MARCHF5: variants seen among roughly 807,000 people sequenced by gnomAD.
MARCHF5 encodes the protein membrane associated ring-CH-type finger 5.
Under a neutral mutation model 36.5 loss-of-function variants are expected in MARCHF5, and 5 were observed. The observed-to-expected ratio is 0.14, with a 90% CI of 0.07 to 0.29. The LOEUF (loss-of-function observed/expected upper bound fraction) is 0.29, where lower values mean the gene tolerates loss of function less well. MARCHF5 is among the 10% of genes least tolerant of loss of function. The probability of loss-of-function intolerance (pLI) is 1.00; values close to 1 mark genes in which losing one functional copy is unlikely to be tolerated. For synonymous variants in MARCHF5, 103 were observed against 109.9 expected, an observed-to-expected ratio of 0.94 and a Z score of 0.39; for missense variants, 179 against 336.3, an observed-to-expected ratio of 0.53 and a Z score of 3.66.
intron 5 of MARCHF5, chr10:92,350,068 T>C (rs556395854): frequency 2.8e-5 from 13 of 465,922 alleles, no homozygotes; most frequent in African/African-American, 2.2e-4. Context: ...TCCTGGCATA[T>C]GCATGAATCA....
chr10:92,326,183 T>C (rs1454351025), intron 2 of MARCHF5, among the ~76,000 whole-genome samples: 1 of 152,204 alleles, frequency 6.6e-6, no homozygotes, highest in African/African-American at 2.4e-5. Flanking sequence ...AATTAATAGT[T>C]GTAACTATTT....
intron 2 of MARCHF5, among the ~76,000 whole-genome samples, chr10:92,326,521 A>G (rs917627841): frequency 6.6e-6 from 1 of 152,208 alleles, no homozygotes; most frequent in Non-Finnish European, 1.5e-5. Flanking sequence ...CATAAGAACT[A>G]ATAGAGATAA....
At chr10:92,325,502 G>T (rs1412188150) in intron 2 of MARCHF5, among the ~76,000 whole-genome samples, 1 of 152,060 alleles carries the variant, frequency 6.6e-6, no homozygotes, top group African/African-American at 2.4e-5. Context: ...TAATTGTTAC[G>T]TCGTCCTGAT....
In MARCHF5 at chr10:92,322,926, C is replaced by T. The variant is rs1250729252; in HGVS notation, c.238+11589C>T. On this transcript the variant is annotated intron_variant, in intron 2 of 5. Coordinates refer to ENST00000358935, the MANE Select transcript of MARCHF5 (RefSeq NM_017824.5). The stretch of plus-strand genomic sequence containing the variant: ...CTAATTTTTATATTTTTAGTAGAGA[C>T]GGGGTTTCACCATGTTGGCCAGGAT... Among the ~76,000 whole-genome samples, 5 of 151,906 alleles carry T rather than the reference C, an allele frequency of 3.3e-5. No homozygotes were observed. In the East Asian group the frequency reaches 5.8e-4, roughly 18 times the overall value.
At position 92,322,928 on chromosome 10, in the gene MARCHF5, G is replaced by A. The variant is rs200970636; in HGVS notation, c.238+11591G>A. ...AATTTTTATATTTTTAGTAGAGACGGGGTTTCACCATGTTGGCCAGGATGG... is the reference window on the plus strand; with the variant it reads ...AATTTTTATATTTTTAGTAGAGACGAGGTTTCACCATGTTGGCCAGGATGG... On this transcript the variant is annotated intron_variant, in intron 2 of 5. Coordinates refer to ENST00000358935, the MANE Select transcript of MARCHF5 (RefSeq NM_017824.5). 2.6e-5 allele frequency among the ~76,000 whole-genome samples: 4 copies of A among 152,012 alleles called. No homozygotes were observed. In the South Asian group the frequency reaches 8.3e-4, roughly 32 times the overall value.
intron 1 of MARCHF5, among the ~76,000 whole-genome samples, chr10:92,294,924 A>G (rs1842930330): frequency 6.6e-6 from 1 of 152,122 alleles, no homozygotes; most frequent in Non-Finnish European, 1.5e-5. Flanking sequence ...CTGTGGTCCC[A>G]AATATTCAGG....
chr10:92,325,439 G>A (rs2135199787), intron 2 of MARCHF5, among the ~76,000 whole-genome samples: 1 of 152,158 alleles, frequency 6.6e-6, no homozygotes, highest in Admixed American at 6.5e-5. Context: ...ATTTATTTTG[G>A]CGCTCTGTTA....
In MARCHF5 at chr10:92,297,323, C is replaced by T. The variant is rs1842958472; in HGVS notation, c.35+5794C>T. ...CTGGGACTACTGGTGTGCACCACCA[C>T]ACCTAGCTGATTTTTTGTATTTTTT... On this transcript the variant is annotated intron_variant, in intron 1 of 5. Transcript: ENST00000358935. Among the ~76,000 whole-genome samples the T allele has an allele frequency of 1.3e-5, 2 of 151,708 alleles. 1 individual carries two copies. The highest frequency in any genetic ancestry group is 1.3e-4 in the Admixed American group (2 of 15,196).
chr10:92,293,306 TG>T (rs1564940468), intron 1 of MARCHF5, among the ~76,000 whole-genome samples: 1 of 152,058 alleles, frequency 6.6e-6, no homozygotes. Context: ...AGTTTTGCCA[TG>T]TTGCCTGTGC....
At chr10:92,319,359 G>A (rs1416731955) in intron 2 of MARCHF5, among the ~76,000 whole-genome samples, 7 of 148,144 alleles carry the variant, frequency 4.7e-5, no homozygotes, top group East Asian at 2.0e-4. Flanking sequence ...GCAGTGGCGC[G>A]ATCTCGACTC....
Position 92,333,937 on chromosome 10 carries a change from C to G in MARCHF5, c.239-6736C>G, listed in dbSNP as rs563611251. On this transcript the variant is annotated intron_variant, in intron 2 of 5. Coordinates refer to ENST00000358935, the MANE Select transcript of MARCHF5 (RefSeq NM_017824.5). Reference sequence around the variant, plus strand: ...GGGTGCAGTGCCTCACGCCTGTAATCCCATCACTTTGGGAGGCCGAGGCGG... The same window carrying G: ...GGGTGCAGTGCCTCACGCCTGTAATGCCATCACTTTGGGAGGCCGAGGCGG... Among the ~76,000 whole-genome samples, 6 of 152,242 alleles carry G rather than the reference C, an allele frequency of 3.9e-5. No individual in the cohort carries two copies. In the South Asian group the frequency reaches 1.0e-3, roughly 26 times the overall value.
rs1211940719 is a variant in MARCHF5 at position 92,299,916 on chromosome 10, C to T, written c.35+8387C>T. ...TTGAGATTAAGTTCAGGGCTGGGCA[C>T]TTTGGGAGGCTGAGGCAGGAGGATC... On this transcript the variant is annotated intron_variant, in intron 1 of 5. Coordinates refer to ENST00000358935, the MANE Select transcript of MARCHF5 (RefSeq NM_017824.5). Among the ~76,000 whole-genome samples, 3 of 152,056 alleles carry T rather than the reference C, an allele frequency of 2.0e-5. No homozygotes were observed. The East Asian group carries it at 5.8e-4, about 29-fold the overall frequency.
At chr10:92,304,656 G>A (rs1843050980) in intron 1 of MARCHF5, among the ~76,000 whole-genome samples, 1 of 152,152 alleles carries the variant, frequency 6.6e-6, no homozygotes, top group Non-Finnish European at 1.5e-5. Context: ...ATTTCTGGTT[G>A]CTATACTCAT....
At chr10:92,302,810 A>G in intron 1 of MARCHF5, among the ~76,000 whole-genome samples, 1 of 152,122 alleles carries the variant, frequency 6.6e-6, no homozygotes, top group East Asian at 1.9e-4. Flanking sequence ...GAATCTCCAA[A>G]CTTGTTCTAA....
chr10:92,306,646 A>G (rs1487652197), intron 1 of MARCHF5, among the ~76,000 whole-genome samples: 1 of 152,208 alleles, frequency 6.6e-6, no homozygotes, highest in East Asian at 1.9e-4. Context: ...TTAATTACAT[A>G]GAGTGGGAGG....
intron 2 of MARCHF5, among the ~76,000 whole-genome samples, chr10:92,325,591 T>G (rs922810489): frequency 1.3e-5 from 2 of 152,222 alleles, no homozygotes; most frequent in East Asian, 3.8e-4. Flanking sequence ...TTGACCAATA[T>G]TTGTATAGCT....
At chr10:92,332,885 C>G (rs900530793) in intron 2 of MARCHF5, among the ~76,000 whole-genome samples, 3 of 150,422 alleles carry the variant, frequency 2.0e-5, no homozygotes, top group Non-Finnish European at 3.0e-5. Flanking sequence ...CATTTGTTGG[C>G]CGGGTGCGGT....
At chr10:92,310,368 T>G (rs992895999) in intron 1 of MARCHF5, among the ~76,000 whole-genome samples, 12 of 152,100 alleles carry the variant, frequency 7.9e-5, no homozygotes, top group Non-Finnish European at 1.5e-5. Flanking sequence ...ACTGAGGAAT[T>G]ACAACCTAAT....
chr10:92,314,168 C>T (rs1350880312), intron 2 of MARCHF5, among the ~76,000 whole-genome samples: 7 of 151,892 alleles, frequency 4.6e-5, no homozygotes, highest in Admixed American at 2.0e-4. Flanking sequence ...GCTATGATTG[C>T]GCCACTACCC....
Sources: allele counts gnomAD v4.1 joint callset (sites outside exome capture counted in the v4.1 genomes callset), GRCh38; gene constraint gnomAD v4.1.1; transcripts MANE v1.5; gene names NCBI Gene and HGNC (gene_info 2026-07-23, HGNC 2026-07-21).